RBMS1: variants seen among roughly 807,000 people sequenced by gnomAD.
The protein encoded by RBMS1 is RNA-binding motif, single-stranded-interacting protein 1.
Under a neutral mutation model 62.3 loss-of-function variants are expected in RBMS1, and 17 were observed. That is an observed-to-expected ratio of 0.27 (90% CI 0.19 to 0.41). The LOEUF is 0.41. RBMS1 is among the 10% of genes least tolerant of loss of function. RBMS1 has a pLI of 1.00. For synonymous variants in RBMS1, 172 were observed against 170.0 expected (o/e 1.01, Z -0.09); for missense variants, 334 against 504.5 (o/e 0.66, Z 3.24).
intron 1 of RBMS1, among the ~76,000 whole-genome samples, chr2:160,487,523 T>C (rs529882656): frequency 2.0e-5 from 3 of 152,340 alleles, no homozygotes; most frequent in Admixed American, 1.3e-4. Context: ...GTAAATACAA[T>C]TGATTGGCTA....
At chr2:160,316,116 T>G (rs1373018677) in intron 3 of RBMS1, among the ~76,000 whole-genome samples, 2 of 152,226 alleles carry the variant, frequency 1.3e-5, no homozygotes, top group South Asian at 2.1e-4. Context: ...GTCATCTATA[T>G]GCCTATCTAT....
At chr2:160,338,984 G>A (rs11694165) in intron 2 of RBMS1, among the ~76,000 whole-genome samples, 28,134 of 152,148 alleles carry the variant, frequency 0.18, 3,336 homozygotes, top group Admixed American at 0.36. Context: ...TATGAACAGA[G>A]AACACTGAGG....
At chr2:160,474,964 G>GT (rs1685066382) in intron 1 of RBMS1, among the ~76,000 whole-genome samples, 1 of 152,056 alleles carries the variant, frequency 6.6e-6, no homozygotes, top group Admixed American at 6.6e-5. Context: ...TCAAGTGATT[G>GT]TTTTTTTCAG....
intron 2 of RBMS1, among the ~76,000 whole-genome samples, chr2:160,345,911 T>C (rs1221412223): frequency 2.0e-5 from 3 of 152,094 alleles, no homozygotes; most frequent in African/African-American, 7.2e-5. Context: ...CTATACAAAG[T>C]ATGGTGTCAA....
intron 2 of RBMS1, among the ~76,000 whole-genome samples, chr2:160,325,089 T>TG (rs1345134458): frequency 6.6e-6 from 1 of 151,912 alleles, no homozygotes; most frequent in Admixed American, 6.6e-5. Flanking sequence ...GTAGAATGTT[T>TG]GCTTTGGAGT....
intron 1 of RBMS1, among the ~76,000 whole-genome samples, chr2:160,470,321 C>T (rs1684865337): frequency 6.6e-6 from 1 of 152,130 alleles, no homozygotes; most frequent in African/African-American, 2.4e-5. Flanking sequence ...TCAACCACAT[C>T]AATTTGTTGT....
intron 1 of RBMS1, chr2:160,407,604 G>T: frequency 1.4e-5 from 14 of 982,486 alleles, no homozygotes; most frequent in Non-Finnish European, 1.7e-5. Context: ...GGGGGAGGGC[G>T]CAAGGAGGTG....
At chr2:160,381,419 C>A (rs1451487504) in intron 1 of RBMS1, among the ~76,000 whole-genome samples, 2 of 152,140 alleles carry the variant, frequency 1.3e-5, no homozygotes, top group East Asian at 1.9e-4. Context: ...AATATTTTTT[C>A]CCCAGAGAAC....
chr2:160,311,485 G>A (rs1035492675), intron 4 of RBMS1, among the ~76,000 whole-genome samples: 4 of 151,766 alleles, frequency 2.6e-5, no homozygotes, highest in African/African-American at 4.8e-5. Context: ...TAACTTATCC[G>A]CTTACCAGAG....
intron 3 of RBMS1, among the ~76,000 whole-genome samples, chr2:160,316,663 G>A (rs971612551): frequency 6.6e-6 from 1 of 152,196 alleles, no homozygotes; most frequent in Non-Finnish European, 1.5e-5. Flanking sequence ...TTCAGTTCAG[G>A]GATGTGGTGA....
rs1687632201 is a variant in RBMS1 at position 160,272,502 on chromosome 2, G to A, written c.*2270C>T. 6.6e-6 allele frequency: 1 copy of A among 150,490 alleles called. No individual in the cohort carries two copies. The highest frequency in any genetic ancestry group is 2.4e-5 in the African/African-American group (1 of 40,878). 9.3% of individuals were successfully genotyped at this position (150,490 alleles called of 1,614,324 possible). A position where few individuals can be genotyped will look rare whatever the true frequency, so the allele number is the denominator to read the frequency against. On this transcript the variant is annotated 3_prime_UTR_variant, in exon 14 of 14. Coordinates refer to ENST00000348849, the MANE Select transcript of RBMS1 (RefSeq NM_016836.4). ...GATTTTTTTTTTTTTATGTACAGAG[G>A]TTATGTTTCCCAAATCTTACCCAGA...
intron 1 of RBMS1, among the ~76,000 whole-genome samples, chr2:160,394,910 A>C (rs1363857072): frequency 6.6e-6 from 1 of 152,230 alleles, no homozygotes; most frequent in South Asian, 2.1e-4. Flanking sequence ...CAAATCACTC[A>C]ATGTTTCTGG....
At chr2:160,439,862 G>C (rs1218347943) in intron 1 of RBMS1, among the ~76,000 whole-genome samples, 2 of 152,098 alleles carry the variant, frequency 1.3e-5, no homozygotes, top group Admixed American at 6.6e-5. Flanking sequence ...AGACCAGCCC[G>C]GCCAACACAG....
Position 160,277,342 on chromosome 2 carries a change from T to C in RBMS1, c.1104A>G (p.Pro368=). 6.2e-7 allele frequency: 1 copy of C among 1,613,706 alleles called. No individual in the cohort carries two copies. Among genetic ancestry groups the C allele is most frequent in the Non-Finnish European group, 8.5e-7 (1 of 1,179,602 alleles). Reference sequence around the variant, plus strand: ...CTGTCGTCTGCATATGTGCATACTGTGGCAAGTAGGCTCCTTGCATAGCTG... The same window carrying C: ...CTGTCGTCTGCATATGTGCATACTGCGGCAAGTAGGCTCCTTGCATAGCTG... ...ATSAMQGAYL[P]QYAHMQTTAV... is the part of the protein sequence containing the mutation. The change falls in exon 12 of 14, where the codon CCA becomes CCG. Residue 368 remains proline, a synonymous_variant. Transcript: ENST00000348849.
At chr2:160,443,222 AC>A (rs1683490499) in intron 1 of RBMS1, among the ~76,000 whole-genome samples, 1 of 138,226 alleles carries the variant, frequency 7.2e-6, no homozygotes, top group African/African-American at 2.6e-5. Flanking sequence ...AAAAAAAAAA[AC>A]AAAAAAAAAA....
intron 1 of RBMS1, chr2:160,408,428 G>C (rs1281427245): frequency 6.6e-6 from 1 of 152,206 alleles, no homozygotes; most frequent in Non-Finnish European, 1.5e-5. Context: ...AATTTTAGCA[G>C]AGGAAACAGC....
intron 2 of RBMS1, among the ~76,000 whole-genome samples, chr2:160,344,044 G>A (rs368488754): frequency 6.6e-6 from 1 of 152,050 alleles, no homozygotes; most frequent in Non-Finnish European, 1.5e-5. Context: ...CAAGATTAAA[G>A]ATATGAAAAG....
chr2:160,475,826 T>A (rs1021531472), intron 1 of RBMS1, among the ~76,000 whole-genome samples: 2 of 151,772 alleles, frequency 1.3e-5, no homozygotes, highest in South Asian at 4.2e-4. Flanking sequence ...TGTTATTTTT[T>A]AAATTATACT....
chr2:160,319,065 A>C (rs985521064), intron 2 of RBMS1, among the ~76,000 whole-genome samples: 1 of 152,240 alleles, frequency 6.6e-6, no homozygotes, highest in Non-Finnish European at 1.5e-5. Flanking sequence ...ACTGCTACTG[A>C]AAACGAAGCG....
Sources: allele counts gnomAD v4.1 joint callset (sites outside exome capture counted in the v4.1 genomes callset), GRCh38; gene constraint gnomAD v4.1.1; transcripts MANE v1.5; gene names NCBI Gene and HGNC (gene_info 2026-07-23, HGNC 2026-07-21).